MRPS18A: variants seen among roughly 807,000 people sequenced by gnomAD.
The protein encoded by MRPS18A is mitochondrial ribosomal protein S18A.
MRPS18A carries 20 observed loss-of-function variants against 22.7 expected under a neutral mutation model. The observed-to-expected ratio is 0.88, with a 90% CI of 0.62 to 1.28. The LOEUF is 1.28. Ranked by LOEUF, MRPS18A falls within the 50% of genes most tolerant of loss-of-function variation. The probability of loss-of-function intolerance (pLI) is 0.00; values close to 1 mark genes in which losing one functional copy is unlikely to be tolerated. For missense variants in MRPS18A, 294 were observed against 262.6 expected, an observed-to-expected ratio of 1.12 and a Z score of -0.83; for synonymous variants, 106 against 99.1, an observed-to-expected ratio of 1.07 and a Z score of -0.41.
intron 5 of MRPS18A, among the ~76,000 whole-genome samples, chr6:43,674,286 G>A (rs553318438): frequency 2.0e-5 from 3 of 152,316 alleles, no homozygotes; most frequent in South Asian, 2.1e-4. Flanking sequence ...GCTGGGGGCT[G>A]AGGTGTTTGC....
At chr6:43,676,130 T>C (rs1774040753) in intron 3 of MRPS18A, among the ~76,000 whole-genome samples, 1 of 148,708 alleles carries the variant, frequency 6.7e-6, no homozygotes, top group Non-Finnish European at 1.5e-5. Context: ...GGATTGCAGG[T>C]GTGCGCCCCT....
chr6:43,686,301 G>C (rs569720497), intron 1 of MRPS18A, among the ~76,000 whole-genome samples: 1 of 152,158 alleles, frequency 6.6e-6, no homozygotes, highest in Non-Finnish European at 1.5e-5. Context: ...AAATGGTATG[G>C]AGATATGCCT....
chr6:43,675,655 G>A (rs745522884), intron 3 of MRPS18A, 38 bp from the exon 4 acceptor site: 1 of 1,567,578 alleles, frequency 6.4e-7, no homozygotes, highest in East Asian at 2.2e-5. Flanking sequence ...GGGTCAGCTG[G>A]GCTTGCTTTT....
At chr6:43,684,397 G>C (rs1017244764) in intron 1 of MRPS18A, among the ~76,000 whole-genome samples, 4 of 152,002 alleles carry the variant, frequency 2.6e-5, no homozygotes, top group African/African-American at 9.7e-5. Flanking sequence ...TGCCATGTTT[G>C]GGATGTGTGC....
In MRPS18A at chr6:43,675,590, G is replaced by C; in HGVS notation, c.280C>G (p.Arg94Gly). The stretch of plus-strand genomic sequence containing the variant: ...CGGGGCAGCATGCCTCCATGAGGCC[G>C]GATGAACTGGCTAAGCAGCAGAACA... ...DDVLLLSQFIRPHGGMLPRKI... is the reference protein window; with the variant it reads ...DDVLLLSQFIGPHGGMLPRKI... The change falls in exon 4 of 6, where the codon CGG (arginine) becomes GGG (glycine). Residue 94 changes from arginine (R) to glycine (G), a missense_variant. Physicochemically the swap from Arg to Gly is moderately radical, Grantham distance 125. Coordinates refer to ENST00000372133, the MANE Select transcript of MRPS18A (RefSeq NM_018135.4). 2 of 1,613,260 alleles carry C rather than the reference G, an allele frequency of 1.2e-6. No individual in the cohort carries two copies. The highest frequency in any genetic ancestry group is 8.5e-7 in the Non-Finnish European group (1 of 1,179,782).
chr6:43,687,660 T>G lies in MRPS18A; in HGVS notation c.112+8A>C. ...AATTTCAGGAGGTTGCTGGGACGCA[T>G]GACTCACCTTCCCTGAACCCGCGAG... On this transcript the variant is annotated splice_region_variant and intron_variant, in intron 1 of 5. Coordinates refer to ENST00000372133, the MANE Select transcript of MRPS18A (RefSeq NM_018135.4). The G allele has an allele frequency of 6.4e-7, 1 of 1,560,926 alleles. No individual in the cohort carries two copies.
Position 43,671,544 on chromosome 6 carries a change from G to C in MRPS18A, c.*218C>G, listed in dbSNP as rs558521917. 1 of 596,150 alleles carries C rather than the reference G, an allele frequency of 1.7e-6. No homozygotes were observed. The highest frequency in any genetic ancestry group is 2.0e-5 in the South Asian group (1 of 50,626). The allele number at this position is 596,150 out of a possible 1,614,324, so 36.9% of individuals were successfully genotyped here. A position where few individuals can be genotyped will look rare whatever the true frequency, so the allele number is the denominator to read the frequency against. On this transcript the variant is annotated 3_prime_UTR_variant, in exon 6 of 6. Coordinates refer to ENST00000372133, the MANE Select transcript of MRPS18A (RefSeq NM_018135.4). Reference sequence around the variant, plus strand: ...GCCTAAGCCCCATAGCAGCTGGCAAGGGACCCAACTGCCCTGCCTGCCTCT... The same window carrying C: ...GCCTAAGCCCCATAGCAGCTGGCAACGGACCCAACTGCCCTGCCTGCCTCT...
chr6:43,672,135 C>T (rs1773743705), intron 5 of MRPS18A: 1 of 593,038 alleles, frequency 1.7e-6, no homozygotes, highest in Non-Finnish European at 3.0e-6. Context: ...GTTCAGGCAG[C>T]CCAGGGCCAC....
chr6:43,671,260 C>T lies in MRPS18A; in HGVS notation c.*502G>A, dbSNP rs1007457363. On this transcript the variant is annotated 3_prime_UTR_variant, in exon 6 of 6. Coordinates refer to ENST00000372133, the MANE Select transcript of MRPS18A (RefSeq NM_018135.4). ...AGCGGCAAGTGTGTCAGGCAGCCCACCTTGGCTCCCTGCAGCTCTCCCACA... is the reference window on the plus strand; with the variant it reads ...AGCGGCAAGTGTGTCAGGCAGCCCATCTTGGCTCCCTGCAGCTCTCCCACA... 2.2e-5 allele frequency: 11 copies of T among 504,824 alleles called. No individual in the cohort carries two copies. Among genetic ancestry groups the T allele is most frequent in the African/African-American group, 3.8e-5 (2 of 51,972 alleles). 31.3% of individuals were successfully genotyped at this position (504,824 alleles called of 1,614,324 possible). A position where few individuals can be genotyped will look rare whatever the true frequency, so the allele number is the denominator to read the frequency against.
chr6:43,677,132 C>A (rs759903364), intron 3 of MRPS18A, among the ~76,000 whole-genome samples: 1 of 152,136 alleles, frequency 6.6e-6, no homozygotes, highest in Admixed American at 6.5e-5. Flanking sequence ...AGTGGTTGGG[C>A]GGGTGTGGGG....
At chr6:43,681,265 G>A in intron 1 of MRPS18A, 145 bp from the exon 2 acceptor site, 1 of 890,038 alleles carries the variant, frequency 1.1e-6, no homozygotes, top group Non-Finnish European at 1.7e-6. Flanking sequence ...CAGAAAGCAT[G>A]CAGGGTTCAC....
chr6:43,686,166 T>C (rs773561170), intron 1 of MRPS18A, among the ~76,000 whole-genome samples: 4 of 152,244 alleles, frequency 2.6e-5, no homozygotes, highest in Non-Finnish European at 4.4e-5. Context: ...AAATATTTGT[T>C]GTTAAAACAA....
rs370658590 is a variant in MRPS18A, at chr6:43,679,289, G to A, written c.145-664C>T. ...TGCACAGGACAGCCCTCACAACAAAGAATTACTCAGCCCCAAATGCCAGGA... is the reference window on the plus strand; with the variant it reads ...TGCACAGGACAGCCCTCACAACAAAAAATTACTCAGCCCCAAATGCCAGGA... On this transcript the variant is annotated intron_variant, in intron 2 of 5. Coordinates refer to ENST00000372133, the MANE Select transcript of MRPS18A (RefSeq NM_018135.4). 1.1e-4 allele frequency among the ~76,000 whole-genome samples: 16 copies of A among 152,230 alleles called. No homozygotes were observed. In the East Asian group the frequency reaches 1.5e-3, roughly 15 times the overall value.
chr6:43,676,503 C>T (rs1324997362), intron 3 of MRPS18A, among the ~76,000 whole-genome samples: 1 of 152,148 alleles, frequency 6.6e-6, no homozygotes, highest in Non-Finnish European at 1.5e-5. Context: ...GGGCCTCCTT[C>T]GGACCATCAC....
Position 43,674,018 on chromosome 6 carries a change from T to C in MRPS18A, c.446+1184A>G, listed in dbSNP as rs184590032. Among the ~76,000 whole-genome samples, 404 of 152,190 alleles carry C rather than the reference T, an allele frequency of 2.7e-3. 3 individuals carry two copies. The highest frequency in any genetic ancestry group is 3.5e-3 in the Admixed American group (54 of 15,296). On this transcript the variant is annotated intron_variant, in intron 5 of 5. Coordinates refer to ENST00000372133, the MANE Select transcript of MRPS18A (RefSeq NM_018135.4). ...CTCAACCCCCAAATGGTCCATAGCA[T>C]AGTTAGGGGACATAGGAAGAGGTTA...
At chr6:43,683,270 A>G (rs941917277) in intron 1 of MRPS18A, among the ~76,000 whole-genome samples, 5 of 152,214 alleles carry the variant, frequency 3.3e-5, no homozygotes, top group Non-Finnish European at 7.3e-5. Context: ...GCAGATGCTT[A>G]TCTAACAGAG....
At chr6:43,681,903 C>T (rs1391816211) in intron 1 of MRPS18A, among the ~76,000 whole-genome samples, 1 of 152,216 alleles carries the variant, frequency 6.6e-6, no homozygotes, top group Non-Finnish European at 1.5e-5. Context: ...AATACATTTC[C>T]TATCTTACCT....
chr6:43,681,050 G>A (rs368589482), intron 2 of MRPS18A, 39 bp downstream of exon 2: 464 of 1,606,960 alleles, frequency 2.9e-4, no homozygotes, highest in Non-Finnish European at 3.8e-4. Context: ...AGCTCCAAGC[G>A]TTAAAGAGGT....
chr6:43,674,926 A>G (rs1049684038), intron 5 of MRPS18A, among the ~76,000 whole-genome samples: 1 of 152,188 alleles, frequency 6.6e-6, no homozygotes, highest in Non-Finnish European at 1.5e-5. Flanking sequence ...TGACATCCCC[A>G]TAGCCACCCA....
Sources: gnomAD v4.1 joint callset for allele counts (sites outside exome capture counted in the v4.1 genomes callset) on GRCh38, gnomAD v4.1.1 for gene constraint, MANE v1.5 for transcripts, NCBI Gene and HGNC (gene_info 2026-07-23, HGNC 2026-07-21) for gene names.